Variants in ZMAT4 observed in about 807,000 individuals in gnomAD.
ZMAT4 encodes the protein zinc finger matrin-type 4.
A neutral mutation model predicts 28.7 loss-of-function variants in ZMAT4; 17 were observed. The observed-to-expected ratio is 0.59, with a 90% CI of 0.41 to 0.89. The LOEUF is 0.89. ZMAT4 is among the 40% of genes least tolerant of loss of function. The pLI, the probability that ZMAT4 is intolerant of heterozygous loss-of-function variation, is 0.00. For missense variants in ZMAT4, 240 were observed against 283.8 expected, an observed-to-expected ratio of 0.85 and a Z score of 1.11; for synonymous variants, 117 against 109.2, an observed-to-expected ratio of 1.07 and a Z score of -0.44.
intron 6 of ZMAT4, among the ~76,000 whole-genome samples, chr8:40,542,135 G>A (rs1272517601): frequency 1.3e-5 from 2 of 152,146 alleles, no homozygotes; most frequent in Admixed American, 6.5e-5. Flanking sequence ...TTGAAAAGAA[G>A]CACTGTATGT....
chr8:40,715,397 G>T (rs768688195), intron 3 of ZMAT4, among the ~76,000 whole-genome samples: 4 of 152,110 alleles, frequency 2.6e-5, no homozygotes, highest in Non-Finnish European at 4.4e-5. Flanking sequence ...GATCTACATA[G>T]TACCCAGAAA....
At chr8:40,771,516 G>C (rs1272634389) in intron 2 of ZMAT4, among the ~76,000 whole-genome samples, 2 of 152,076 alleles carry the variant, frequency 1.3e-5, no homozygotes, top group Admixed American at 1.3e-4. Flanking sequence ...TTAGTAAAAA[G>C]CATCACTGAT....
At chr8:40,750,303 A>T (rs1291724440) in intron 3 of ZMAT4, among the ~76,000 whole-genome samples, 2 of 152,174 alleles carry the variant, frequency 1.3e-5, no homozygotes, top group Non-Finnish European at 2.9e-5. Context: ...GTTCTGCAAG[A>T]ATAATATTTT....
chr8:40,659,982 A>G (rs369634446), intron 5 of ZMAT4, among the ~76,000 whole-genome samples: 5 of 152,194 alleles, frequency 3.3e-5, no homozygotes, highest in South Asian at 2.1e-4. Flanking sequence ...TTATTTACAA[A>G]ACAGTAATCC....
At position 40,737,610 on chromosome 8, in the gene ZMAT4, G is replaced by A. The variant is rs112994728; in HGVS notation, c.192+30031C>T. On this transcript the variant is annotated intron_variant, in intron 3 of 6. Coordinates refer to ENST00000297737, the MANE Select transcript of ZMAT4 (RefSeq NM_024645.3). ...CATTAGCAAGTCATCAGTAACCTTG[G>A]CCAATGTTTCAGAGGTGCCCGTAGC... 6.2e-3 allele frequency among the ~76,000 whole-genome samples: 939 copies of A among 152,276 alleles called. 6 individuals are homozygous for A. The highest frequency in any genetic ancestry group is 0.022 in the African/African-American group (904 of 41,542).
chr8:40,603,629 T>C (rs897893377), intron 5 of ZMAT4, among the ~76,000 whole-genome samples: 7 of 152,112 alleles, frequency 4.6e-5, no homozygotes, highest in Non-Finnish European at 1.0e-4. Context: ...TGTTTATTTG[T>C]TTGTTTTGTT....
At chr8:40,772,282 T>G (rs1187310798) in intron 2 of ZMAT4, among the ~76,000 whole-genome samples, 1 of 152,210 alleles carries the variant, frequency 6.6e-6, no homozygotes, top group Non-Finnish European at 1.5e-5. Flanking sequence ...GATTAGTTTC[T>G]TTTGCTGAAA....
chr8:40,665,968 A>C (rs956988621), intron 5 of ZMAT4, among the ~76,000 whole-genome samples: 25 of 152,246 alleles, frequency 1.6e-4, no homozygotes, highest in African/African-American at 6.0e-4. Flanking sequence ...CTGTGTCTTC[A>C]GATGAGAATT....
intron 1 of ZMAT4, among the ~76,000 whole-genome samples, chr8:40,869,043 C>A (rs749586015): frequency 6.6e-6 from 1 of 152,346 alleles, no homozygotes; most frequent in East Asian, 1.9e-4. Context: ...ATCCCCCAAC[C>A]TGAGCCCACT....
chr8:40,698,062 G>A (rs763964353), intron 3 of ZMAT4, among the ~76,000 whole-genome samples: 1 of 152,110 alleles, frequency 6.6e-6, no homozygotes, highest in African/African-American at 2.4e-5. Flanking sequence ...AGGATACATG[G>A]CCATGATGTT....
At chr8:40,662,029 T>C (rs1015763560) in intron 5 of ZMAT4, among the ~76,000 whole-genome samples, 3 of 152,180 alleles carry the variant, frequency 2.0e-5, no homozygotes, top group African/African-American at 7.2e-5. Context: ...CAGGCTGGAG[T>C]GCAGTGGTGC....
At chr8:40,763,360 A>G (rs1813015303) in intron 3 of ZMAT4, among the ~76,000 whole-genome samples, 1 of 152,206 alleles carries the variant, frequency 6.6e-6, no homozygotes, top group Admixed American at 6.5e-5. Context: ...GGGTGATCAC[A>G]GTCAATTACT....
intron 5 of ZMAT4, among the ~76,000 whole-genome samples, chr8:40,650,644 T>C: frequency 1.6e-5 from 2 of 122,934 alleles, no homozygotes; most frequent in African/African-American, 2.9e-5. Flanking sequence ...TTTAGACCAA[T>C]ATCCTTGATG....
intron 6 of ZMAT4, among the ~76,000 whole-genome samples, chr8:40,536,225 G>A (rs1802843218): frequency 6.6e-6 from 1 of 152,072 alleles, no homozygotes; most frequent in African/African-American, 2.4e-5. Flanking sequence ...GTTTTCCCTG[G>A]CCAGTTCCTT....
chr8:40,754,823 G>A (rs913926683), intron 3 of ZMAT4, among the ~76,000 whole-genome samples: 2 of 151,932 alleles, frequency 1.3e-5, no homozygotes, highest in Admixed American at 6.6e-5. Context: ...GACCAGCCTG[G>A]GCAACATAGT....
At chr8:40,769,590 C>T (rs188617035) in intron 2 of ZMAT4, among the ~76,000 whole-genome samples, 22 of 152,230 alleles carry the variant, frequency 1.4e-4, no homozygotes, top group Admixed American at 6.5e-5. Context: ...AGCACGCAGA[C>T]GATAATGGGT....
intron 4 of ZMAT4, among the ~76,000 whole-genome samples, chr8:40,688,611 T>C (rs1236546662): frequency 6.6e-6 from 1 of 152,094 alleles, no homozygotes; most frequent in Non-Finnish European, 1.5e-5. Context: ...TACTGAGTGC[T>C]CAACAAACAA....
chr8:40,696,991 C>T (rs1287354543), intron 4 of ZMAT4: 2 of 377,426 alleles, frequency 5.3e-6, no homozygotes, highest in Non-Finnish European at 9.5e-6. Context: ...GCACACAGCT[C>T]TTCAGCAGAT....
rs554396701 is a variant in ZMAT4 at position 40,749,588 on chromosome 8, C to T, written c.192+18053G>A. Among the ~76,000 whole-genome samples, 4 of 152,214 alleles carry T rather than the reference C, an allele frequency of 2.6e-5. No individual in the cohort carries two copies. In the South Asian group the frequency reaches 6.2e-4, roughly 24 times the overall value. On this transcript the variant is annotated intron_variant, in intron 3 of 6. Transcript: ENST00000297737. The stretch of plus-strand genomic sequence containing the variant: ...GAAAAAAGAACAAAGTTAGGATGAC[C>T]CTGTGAACACTGTTCCACCCACTGC...
Sources: allele counts gnomAD v4.1 joint callset (sites outside exome capture counted in the v4.1 genomes callset), GRCh38; gene constraint gnomAD v4.1.1; transcripts MANE v1.5; gene names NCBI Gene and HGNC (gene_info 2026-07-23, HGNC 2026-07-21).